Variants in PRP4K observed in about 807,000 individuals in gnomAD.
PRP4K encodes pre-mRNA processing factor kinase PRP4K.
At chr6:4,047,956 G>C in the PRP4K span, among the ~76,000 whole-genome samples, 2 of 142,976 alleles carry the variant, frequency 1.4e-5, no homozygotes, top group Non-Finnish European at 3.1e-5. Flanking sequence ...AGAGCAATAG[G>C]AACACCAACC....
the PRP4K span, among the ~76,000 whole-genome samples, chr6:4,022,395 C>G: frequency 2.0e-5 from 3 of 150,800 alleles, no homozygotes; most frequent in Admixed American, 6.6e-5. Context: ...GTTAGGAAAA[C>G]TCAAACAAGA....
the PRP4K span, among the ~76,000 whole-genome samples, chr6:4,022,154 ATTT>A: frequency 1.3e-4 from 12 of 92,044 alleles, no homozygotes; most frequent in African/African-American, 3.2e-4. Context: ...GAGGCCTGGC[ATTT>A]TTTTTTTTTT....
At chr6:4,021,716 G>A in the PRP4K span, among the ~76,000 whole-genome samples, 2 of 152,202 alleles carry the variant, frequency 1.3e-5, no homozygotes, top group African/African-American at 4.8e-5. Context: ...GCGTAGGCGC[G>A]AGCGGCCTCT....
chr6:4,038,357 T>C, the PRP4K span, among the ~76,000 whole-genome samples: 4 of 151,908 alleles, frequency 2.6e-5, no homozygotes, highest in African/African-American at 7.3e-5. Flanking sequence ...AATGGCGCGA[T>C]CTCACTGCAA....
At chr6:4,049,139 C>T in the PRP4K span, 3 of 1,522,882 alleles carry the variant, frequency 2.0e-6, no homozygotes, top group African/African-American at 2.8e-5. Flanking sequence ...CTTTAGAGTT[C>T]ATTGTAACAC....
the PRP4K span, chr6:4,052,696 C>CT: frequency 4.1e-6 from 6 of 1,477,846 alleles, no homozygotes; most frequent in South Asian, 2.8e-5. Flanking sequence ...ATTTTGTTTT[C>CT]TTTTTTTAAT....
the PRP4K span, among the ~76,000 whole-genome samples, chr6:4,055,731 A>G: frequency 4.6e-5 from 7 of 152,364 alleles, no homozygotes; most frequent in East Asian, 1.2e-3. Flanking sequence ...TATAGAGTTC[A>G]TGTTTATCAG....
chr6:4,044,271 G>T, the PRP4K span: 1 of 405,774 alleles, frequency 2.5e-6, no homozygotes. Flanking sequence ...TGTTTTGCTT[G>T]CTATTTTAAA....
chr6:4,037,895 G>A, the PRP4K span, among the ~76,000 whole-genome samples: 1 of 150,270 alleles, frequency 6.7e-6, no homozygotes, highest in African/African-American at 2.5e-5. Context: ...AGATCATGTA[G>A]TAGTAAATAT....
At chr6:4,026,828 TG>T in the PRP4K span, among the ~76,000 whole-genome samples, 3 of 152,014 alleles carry the variant, frequency 2.0e-5, no homozygotes, top group Non-Finnish European at 4.4e-5. Context: ...TGCAGTGGAG[TG>T]GTTTTGCATT....
chr6:4,027,933 C>T, the PRP4K span, among the ~76,000 whole-genome samples: 14 of 152,112 alleles, frequency 9.2e-5, 1 homozygote, highest in East Asian at 3.9e-4. Flanking sequence ...AGATTTTATA[C>T]GCCTAAAGAT....
the PRP4K span, among the ~76,000 whole-genome samples, chr6:4,038,540 G>T: frequency 6.6e-6 from 1 of 151,618 alleles, no homozygotes; most frequent in African/African-American, 2.4e-5. Flanking sequence ...TGATCCGCTC[G>T]TCTTGGCCCA....
the PRP4K span, chr6:4,031,591 A>G: frequency 1.3e-6 from 2 of 1,577,508 alleles, no homozygotes; most frequent in Non-Finnish European, 1.7e-6. Context: ...AAGAGTATAA[A>G]TGAAGAAAAT....
the PRP4K span, among the ~76,000 whole-genome samples, chr6:4,024,960 C>G: frequency 6.6e-6 from 1 of 152,120 alleles, no homozygotes; most frequent in African/African-American, 2.4e-5. Flanking sequence ...CTGGGTGCCT[C>G]AAGACATGGG....
the PRP4K span, chr6:4,049,474 A>T: frequency 4.1e-6 from 2 of 485,888 alleles, no homozygotes; most frequent in Non-Finnish European, 7.2e-6. Context: ...GCGGGACTAC[A>T]ATTGGAAAAA....
the PRP4K span, chr6:4,031,703 A>G: frequency 6.2e-7 from 1 of 1,603,436 alleles, no homozygotes; most frequent in Non-Finnish European, 8.5e-7. Context: ...ATTCCTCAGA[A>G]GAAGACAAGG....
At chr6:4,049,916 C>G in the PRP4K span, 1 of 1,587,266 alleles carries the variant, frequency 6.3e-7, no homozygotes, top group African/African-American at 1.4e-5. Context: ...TTTAACAGTA[C>G]GGATACTTAC....
At chr6:4,021,536 G>A in the PRP4K span, 1 of 1,549,396 alleles carries the variant, frequency 6.5e-7, no homozygotes, top group African/African-American at 1.4e-5. Context: ...GCACGGGGTG[G>A]CGGGAAAGTT....
the PRP4K span, among the ~76,000 whole-genome samples, chr6:4,051,351 T>C: frequency 1.3e-5 from 2 of 152,180 alleles, no homozygotes; most frequent in African/African-American, 2.4e-5. Context: ...TTTGCTCTTG[T>C]TGCCCAGGCT....
Sources: allele counts gnomAD v4.1 joint callset (sites outside exome capture counted in the v4.1 genomes callset), GRCh38; gene constraint gnomAD v4.1.1; transcripts MANE v1.5; gene names NCBI Gene and HGNC (gene_info 2026-07-23, HGNC 2026-07-21).